Variants in NIM1K observed in about 807,000 individuals in gnomAD.
NIM1K encodes the protein NIM1 serine/threonine protein kinase.
NIM1K carries 35 observed loss-of-function variants against 37.1 expected under a neutral mutation model. That is an observed-to-expected ratio of 0.94 (90% confidence interval 0.72 to 1.25). The LOEUF is 1.25. NIM1K is among the 50% of genes most tolerant of loss of function. NIM1K has a pLI of 0.00. For missense variants in NIM1K, 564 were observed against 548.0 expected (o/e 1.03, Z -0.29); for synonymous variants, 234 against 206.6 (o/e 1.13, Z -1.14).
At chr5:43,207,681 T>C in intron 1 of NIM1K, 1 of 546,048 alleles carries the variant, frequency 1.8e-6, no homozygotes, top group Non-Finnish European at 3.5e-6. Flanking sequence ...GAAGAACAGC[T>C]GGAGAATTCT....
intron 2 of NIM1K, among the ~76,000 whole-genome samples, chr5:43,247,040 T>C (rs1752787650): frequency 6.6e-6 from 1 of 151,856 alleles, no homozygotes; most frequent in Non-Finnish European, 1.5e-5. Flanking sequence ...TATATTAGAG[T>C]TGTCTTTTGC....
At position 43,231,282 on chromosome 5, in the gene NIM1K, A is replaced by G. The variant is rs144132889; in HGVS notation, c.-694-13800A>G. ...CAGTGAGCCATCCTCTCATTACTGC[A>G]GTCCAGCCTGAGTGACAGAGTGAAA... On this transcript the variant is annotated intron_variant, in intron 1 of 3. Transcript: ENST00000326035. 2.9e-3 allele frequency among the ~76,000 whole-genome samples: 448 copies of G among 152,354 alleles called. 4 individuals are homozygous for G. The highest frequency in any genetic ancestry group is 9.4e-3 in the African/African-American group (389 of 41,582).
intron 2 of NIM1K, among the ~76,000 whole-genome samples, chr5:43,266,484 G>C (rs1223525298): frequency 6.6e-6 from 1 of 152,150 alleles, no homozygotes; most frequent in African/African-American, 2.4e-5. Flanking sequence ...ACAGTATTAG[G>C]GTGGGAGTGT....
At chr5:43,262,162 T>A (rs1463419205) in intron 2 of NIM1K, among the ~76,000 whole-genome samples, 1 of 152,196 alleles carries the variant, frequency 6.6e-6, no homozygotes, top group Non-Finnish European at 1.5e-5. Flanking sequence ...ATTGGTAACT[T>A]GATGGGGATG....
chr5:43,198,233 CTTTCTTTCTTTCTTTT>C (rs1751961745), intron 1 of NIM1K, among the ~76,000 whole-genome samples: 5 of 113,630 alleles, frequency 4.4e-5, no homozygotes, highest in Non-Finnish European at 9.6e-5. Flanking sequence ...TTCTTTCTTT[CTTTCTTTCTTTCTTTT>C]CTTTCTTTCC....
chr5:43,254,039 G>A (rs1752906428), intron 2 of NIM1K, among the ~76,000 whole-genome samples: 1 of 152,182 alleles, frequency 6.6e-6, no homozygotes, highest in East Asian at 1.9e-4. Flanking sequence ...ATTGAAGTTG[G>A]AAAGTAAGGA....
At chr5:43,264,485 T>C (rs1753089546) in intron 2 of NIM1K, among the ~76,000 whole-genome samples, 1 of 152,226 alleles carries the variant, frequency 6.6e-6, no homozygotes, top group South Asian at 2.1e-4. Flanking sequence ...TAGATCTTCC[T>C]CCATGCCTTT....
chr5:43,232,516 A>G, intron 1 of NIM1K: 1 of 1,560,400 alleles, frequency 6.4e-7, no homozygotes, highest in Non-Finnish European at 8.8e-7. Context: ...TTGGGCGTTC[A>G]GTATCAAGGT....
chr5:43,222,251 T>C (rs1014940892), intron 1 of NIM1K, among the ~76,000 whole-genome samples: 3 of 152,138 alleles, frequency 2.0e-5, no homozygotes, highest in East Asian at 3.8e-4. Context: ...AATACGATCT[T>C]ATGGTTTAGG....
intron 2 of NIM1K, among the ~76,000 whole-genome samples, chr5:43,254,126 T>G (rs1164715627): frequency 6.6e-6 from 1 of 152,150 alleles, no homozygotes; most frequent in Non-Finnish European, 1.5e-5. Context: ...TAAGGAGAAG[T>G]GGCAGTGAGA....
At chr5:43,206,782 T>C in intron 1 of NIM1K, 1 of 766,252 alleles carries the variant, frequency 1.3e-6, no homozygotes. Flanking sequence ...CTAAAAGGCC[T>C]CCAGTCCATT....
intron 2 of NIM1K, among the ~76,000 whole-genome samples, chr5:43,273,894 T>C (rs369831558): frequency 6.6e-6 from 1 of 152,196 alleles, no homozygotes; most frequent in Admixed American, 6.5e-5. Flanking sequence ...CTTTCTCTCA[T>C]TGGACTGTGA....
intron 2 of NIM1K, among the ~76,000 whole-genome samples, chr5:43,255,053 C>T (rs779055765): frequency 6.6e-6 from 1 of 152,030 alleles, no homozygotes; most frequent in African/African-American, 2.4e-5. Flanking sequence ...TTTATAGTGT[C>T]GAGAACTAGT....
In NIM1K at chr5:43,245,222, C is replaced by T. The variant is rs117276677; in HGVS notation, c.-554C>T. The T allele has an allele frequency of 2.0e-5, 3 of 152,380 alleles. No individual in the cohort carries two copies. Among genetic ancestry groups the T allele is most frequent in the East Asian group, 1.9e-4 (1 of 5,192 alleles). The allele number at this position is 152,380 out of a possible 1,614,324, so 9.4% of individuals were successfully genotyped here. ...CAGAAGGCTTATTTGCAAGTTTCTT[C>T]TTTCCTGGGGTCCAGATTATTAGGT... On this transcript the variant is annotated 5_prime_UTR_variant, in exon 2 of 4. Coordinates refer to ENST00000326035, the MANE Select transcript of NIM1K (RefSeq NM_153361.4).
rs147977485 is a variant in NIM1K, at chr5:43,206,357, A to G, written c.-695+13946A>G. ...TACTAAAATTTTTTAAAAATTAGCC[A>G]GGAGGGGTGGTGCGTTCCTGTAGTC... is the stretch of plus-strand genomic sequence containing the variant. On this transcript the variant is annotated intron_variant, in intron 1 of 3. Coordinates refer to ENST00000326035, the MANE Select transcript of NIM1K (RefSeq NM_153361.4). Among the ~76,000 whole-genome samples the G allele has an allele frequency of 5.1e-3, 759 of 149,226 alleles. 2 individuals carry two copies. Among genetic ancestry groups the G allele is most frequent in the African/African-American group, 0.014 (546 of 40,358 alleles).
At chr5:43,207,218 T>C (rs1349652743) in intron 1 of NIM1K, 113 of 752,562 alleles carry the variant, frequency 1.5e-4, no homozygotes, top group Non-Finnish European at 3.7e-5. Flanking sequence ...TGATTTGGCA[T>C]ATACCTGGGA....
chr5:43,232,396 C>T (rs1422652635), intron 1 of NIM1K: 3 of 1,428,300 alleles, frequency 2.1e-6, no homozygotes, highest in African/African-American at 2.8e-5. Context: ...GATAGGCCAC[C>T]AGCTTGGTCT....
At chr5:43,276,086 G>C (rs1318607876) in intron 2 of NIM1K, among the ~76,000 whole-genome samples, 2 of 151,912 alleles carry the variant, frequency 1.3e-5, no homozygotes, top group East Asian at 1.9e-4. Context: ...GTAGAGATAG[G>C]GTTTCACCAT....
At chr5:43,204,178 G>A (rs1385591015) in intron 1 of NIM1K, among the ~76,000 whole-genome samples, 4 of 131,524 alleles carry the variant, frequency 3.0e-5, no homozygotes, top group Non-Finnish European at 4.6e-5. Context: ...TCCGCTTCCT[G>A]GGGGGTTCAA....
Sources: gnomAD v4.1 joint callset for allele counts (sites outside exome capture counted in the v4.1 genomes callset) on GRCh38, gnomAD v4.1.1 for gene constraint, MANE v1.5 for transcripts, NCBI Gene and HGNC (gene_info 2026-07-23, HGNC 2026-07-21) for gene names.